The following SLC9C2 variants were observed in gnomAD, a reference collection of about 807,000 sequenced individuals.
SLC9C2 encodes sodium/hydrogen exchanger 11.
Under a neutral mutation model 140.2 loss-of-function variants are expected in SLC9C2, and 75 were observed. The observed-to-expected ratio is 0.53, with a 90% CI of 0.44 to 0.65. The LOEUF (loss-of-function observed/expected upper bound fraction) is 0.65, where lower values mean the gene tolerates loss of function less well. Ranked by LOEUF, SLC9C2 falls within the 30% of genes least tolerant of loss-of-function variation. The pLI is 0.00. For missense variants in SLC9C2, 1,074 were observed against 1,331.8 expected, an observed-to-expected ratio of 0.81 and a Z score of 3.01; for synonymous variants, 375 against 420.9, an observed-to-expected ratio of 0.89 and a Z score of 1.34.
intron 5 of SLC9C2, among the ~76,000 whole-genome samples, chr1:173,586,435 G>A (rs1297037225): frequency 1.3e-5 from 2 of 152,100 alleles, no homozygotes; most frequent in African/African-American, 4.8e-5. Context: ...AAATATTTCC[G>A]AGTCAAAAAC....
intron 8 of SLC9C2, among the ~76,000 whole-genome samples, chr1:173,576,308 G>T (rs772704316): frequency 1.3e-5 from 2 of 152,010 alleles, no homozygotes; most frequent in African/African-American, 2.4e-5. Flanking sequence ...TCTGCTACTC[G>T]TCTTTTCCAG....
chr1:173,529,383 C>A (rs1464591171), intron 18 of SLC9C2, among the ~76,000 whole-genome samples: 1 of 152,044 alleles, frequency 6.6e-6, no homozygotes, highest in African/African-American at 2.4e-5. Context: ...GGATTCACTC[C>A]ACCTCTAGGC....
At chr1:173,529,676 GATC>G (rs937849044) in intron 18 of SLC9C2, among the ~76,000 whole-genome samples, 13 of 150,328 alleles carry the variant, frequency 8.6e-5, no homozygotes, top group Non-Finnish European at 1.9e-4. Flanking sequence ...TCAGAAAAGA[GATC>G]ATATGTTTTC....
At chr1:173,521,477 CTATATATA>C (rs146332693) in intron 21 of SLC9C2, 78 bp from the exon 22 acceptor site, 584 of 251,242 alleles carry the variant, frequency 2.3e-3, no homozygotes, top group East Asian at 8.7e-3. Context: ...TAAATATTTT[CTATATATA>C]TATATATATA....
intron 13 of SLC9C2, among the ~76,000 whole-genome samples, chr1:173,541,567 C>T (rs1662422439): frequency 6.6e-6 from 1 of 152,206 alleles, no homozygotes; most frequent in Non-Finnish European, 1.5e-5. Context: ...TTCTTCTCAG[C>T]ACCACATCAC....
rs770696128 is a variant in SLC9C2, at chr1:173,554,763, A to G, written c.1267T>C (p.Tyr423His). Reference sequence around the variant, plus strand: ...TTCCTGGCTGACTGAGTCATCACGTATGAATTTATTCCCATTGTCAATAAT... The same window carrying G: ...TTCCTGGCTGACTGAGTCATCACGTGTGAATTTATTCCCATTGTCAATAAT... ...ISLLTMGINS[Y>H]VMTQSARKLD... Residue 423 changes from tyrosine (Y) to histidine (H), a missense_variant, in exon 11 of 28, where the codon TAC (tyrosine) becomes CAC (histidine). Transcript: ENST00000367714. 6.2e-7 allele frequency: 1 copy of G among 1,608,812 alleles called. No individual in the cohort carries two copies. The highest frequency in any genetic ancestry group is 8.5e-7 in the Non-Finnish European group (1 of 1,175,242).
chr1:173,587,553 G>C (rs1665926444), intron 5 of SLC9C2, 112 bp downstream of exon 5: 1 of 1,042,958 alleles, frequency 9.6e-7, no homozygotes, highest in East Asian at 2.6e-5. Context: ...GAAAAAAAAA[G>C]CACAGAGTCT....
chr1:173,516,545 A>G (rs1218744085), intron 23 of SLC9C2, among the ~76,000 whole-genome samples: 2 of 152,030 alleles, frequency 1.3e-5, no homozygotes, highest in East Asian at 3.9e-4. Context: ...GCTCCCACTT[A>G]TATGTGAGAA....
intron 9 of SLC9C2, chr1:173,571,580 A>G (rs541204441): frequency 2.6e-5 from 4 of 152,096 alleles, no homozygotes; most frequent in Admixed American, 1.3e-4. Context: ...ATTTATTTTC[A>G]TAGTCTTTAT....
intron 17 of SLC9C2, among the ~76,000 whole-genome samples, chr1:173,532,835 C>T (rs1661673751): frequency 6.6e-6 from 1 of 151,942 alleles, no homozygotes; most frequent in Non-Finnish European, 1.5e-5. Flanking sequence ...TTGCTGGAGC[C>T]CAGGAGCTTT....
intron 3 of SLC9C2, among the ~76,000 whole-genome samples, chr1:173,598,478 C>G (rs1476681109): frequency 6.6e-6 from 1 of 152,026 alleles, no homozygotes; most frequent in African/African-American, 2.4e-5. Flanking sequence ...TTAAGTGAGT[C>G]AGTAGAGAAA....
At chr1:173,553,595 A>AT (rs1005562486) in intron 11 of SLC9C2, among the ~76,000 whole-genome samples, 1 of 152,196 alleles carries the variant, frequency 6.6e-6, no homozygotes, top group African/African-American at 2.4e-5. Context: ...GATTGTTAGC[A>AT]TTTTTTTAGC....
chr1:173,573,118 C>T (rs1664944555), intron 9 of SLC9C2, 64 bp downstream of exon 9: 1 of 1,239,968 alleles, frequency 8.1e-7, no homozygotes, highest in East Asian at 2.6e-5. Context: ...CCACTGCTTC[C>T]TAATTCTAAT....
At chr1:173,540,010 T>C (rs1383090576) in intron 13 of SLC9C2, among the ~76,000 whole-genome samples, 3 of 152,202 alleles carry the variant, frequency 2.0e-5, no homozygotes, top group African/African-American at 7.2e-5. Context: ...GGACTGGTTT[T>C]GTGATTTGCT....
chr1:173,548,807 T>C (rs1338009197), intron 11 of SLC9C2, among the ~76,000 whole-genome samples: 1 of 152,150 alleles, frequency 6.6e-6, no homozygotes, highest in Non-Finnish European at 1.5e-5. Context: ...TCCCTATAGC[T>C]AAAGACATGA....
chr1:173,501,048 T>A lies in SLC9C2; in HGVS notation c.*46A>T. ...TTGGTCTTTAACCTGACTCCACACA[T>A]CATATTTGTATCATTAATACCCTTT... On this transcript the variant is annotated 3_prime_UTR_variant, in exon 28 of 28. Transcript: ENST00000367714. 6.7e-7 allele frequency: 1 copy of A among 1,496,210 alleles called. No homozygotes were observed. Among genetic ancestry groups the A allele is most frequent in the Non-Finnish European group, 8.9e-7 (1 of 1,124,638 alleles). 92.7% of individuals were successfully genotyped at this position (1,496,210 alleles called of 1,614,324 possible).
At chr1:173,511,029 C>CTTTTTTTTTTTTTTTTTTTTT (rs71111066) in intron 23 of SLC9C2, among the ~76,000 whole-genome samples, 19 of 86,746 alleles carry the variant, frequency 2.2e-4, no homozygotes, top group African/African-American at 9.8e-4. Context: ...CTTTCTTTTC[C>CTTTTTTTTTTTTTTTTTTTTT]TTTTTTTTTT....
chr1:173,564,968 C>CTTTTTTTTTTTTTTTTTTTTCT (rs564120430), intron 9 of SLC9C2, among the ~76,000 whole-genome samples: 3 of 113,620 alleles, frequency 2.6e-5, no homozygotes, highest in South Asian at 3.0e-4. Context: ...TTTTCTTTTT[C>CTTTTTTTTTTTTTTTTTTTTCT]TTTTTTTTTT....
At chr1:173,561,054 C>T (rs1664071111) in intron 9 of SLC9C2, among the ~76,000 whole-genome samples, 1 of 152,204 alleles carries the variant, frequency 6.6e-6, no homozygotes, top group Non-Finnish European at 1.5e-5. Flanking sequence ...CCTTGGCCTC[C>T]CAAAGTGCTG....
Sources: gnomAD v4.1 joint callset for allele counts (sites outside exome capture counted in the v4.1 genomes callset) on GRCh38, gnomAD v4.1.1 for gene constraint, MANE v1.5 for transcripts, NCBI Gene and HGNC (gene_info 2026-07-23, HGNC 2026-07-21) for gene names.